TPRG1: variants seen among roughly 807,000 people sequenced by gnomAD.
TPRG1 encodes tumor protein p63-regulated gene 1 protein.
Under a neutral mutation model 29.3 loss-of-function variants are expected in TPRG1, and 29 were observed. The ratio of observed to expected loss-of-function variants is 0.99; its 90% CI spans 0.74 to 1.35. The LOEUF (loss-of-function observed/expected upper bound fraction) is 1.35, where lower values mean the gene tolerates loss of function less well. Among genes scored for constraint, TPRG1 ranks in the 40% most tolerant of loss-of-function variants. TPRG1 has a pLI of 0.00. For missense variants in TPRG1, 327 were observed against 335.0 expected, an observed-to-expected ratio of 0.98 and a Z score of 0.19; for synonymous variants, 130 against 116.8, an observed-to-expected ratio of 1.11 and a Z score of -0.73.
intron 4 of TPRG1, among the ~76,000 whole-genome samples, chr3:189,267,312 A>T (rs1004657612): frequency 6.6e-6 from 1 of 152,186 alleles, no homozygotes; most frequent in Non-Finnish European, 1.5e-5. Flanking sequence ...GCCTAATGAC[A>T]TATTTCTAAG....
chr3:189,271,968 G>T (rs572753680), intron 4 of TPRG1, among the ~76,000 whole-genome samples: 8 of 152,304 alleles, frequency 5.3e-5, no homozygotes, highest in African/African-American at 1.7e-4. Flanking sequence ...ATATCGAAAA[G>T]CCTAATGTGG....
intron 4 of TPRG1, among the ~76,000 whole-genome samples, chr3:189,085,819 A>T (rs1047079226): frequency 1.3e-5 from 2 of 152,204 alleles, no homozygotes; most frequent in Non-Finnish European, 2.9e-5. Context: ...ATCCATTTAC[A>T]CTTGAGGATA....
chr3:189,036,988 C>A (rs1311419988), intron 4 of TPRG1, among the ~76,000 whole-genome samples: 1 of 150,928 alleles, frequency 6.6e-6, no homozygotes, highest in South Asian at 2.1e-4. Flanking sequence ...CCTACTCCTG[C>A]CCCACCAAAA....
At chr3:189,117,359 C>A (rs1721303452) in intron 1 of TPRG1, among the ~76,000 whole-genome samples, 1 of 152,196 alleles carries the variant, frequency 6.6e-6, no homozygotes, top group South Asian at 2.1e-4. Flanking sequence ...ACCTGTTACT[C>A]AGTAGTTAAA....
intron 1 of TPRG1, among the ~76,000 whole-genome samples, chr3:189,181,297 C>A (rs1288011246): frequency 6.6e-6 from 1 of 152,218 alleles, no homozygotes; most frequent in Non-Finnish European, 1.5e-5. Context: ...CTGCAGCCAG[C>A]TTGAATTTCT....
At chr3:189,140,460 A>G (rs184781606) in intron 3 of TPRG1, among the ~76,000 whole-genome samples, 3 of 152,242 alleles carry the variant, frequency 2.0e-5, no homozygotes, top group African/African-American at 4.8e-5. Flanking sequence ...TATGTCAACA[A>G]ATCATTGCTA....
chr3:189,189,493 C>T (rs1161311229), intron 1 of TPRG1, among the ~76,000 whole-genome samples: 3 of 151,888 alleles, frequency 2.0e-5, no homozygotes, highest in East Asian at 1.9e-4. Flanking sequence ...AAGGGATATA[C>T]TTGGATTTGC....
intron 1 of TPRG1, among the ~76,000 whole-genome samples, chr3:189,124,755 C>T (rs774119696): frequency 5.3e-5 from 8 of 151,920 alleles, no homozygotes; most frequent in Non-Finnish European, 1.2e-4. Flanking sequence ...TTTTTTCCTC[C>T]ATAAAACCAA....
chr3:189,213,518 C>T (rs1735590502), intron 2 of TPRG1, among the ~76,000 whole-genome samples: 2 of 152,118 alleles, frequency 1.3e-5, no homozygotes, highest in Admixed American at 1.3e-4. Flanking sequence ...AAGAACAGCA[C>T]AGTGAGAAGA....
intron 3 of TPRG1, among the ~76,000 whole-genome samples, chr3:189,011,833 G>C (rs1439999111): frequency 1.3e-5 from 2 of 152,162 alleles, no homozygotes; most frequent in African/African-American, 4.8e-5. Flanking sequence ...AGTTCTCCTT[G>C]AAGAGGTCCT....
intron 4 of TPRG1, among the ~76,000 whole-genome samples, chr3:189,277,366 C>CA (rs1716343013): frequency 6.6e-6 from 1 of 152,150 alleles, no homozygotes; most frequent in African/African-American, 2.4e-5. Context: ...ATACATATTT[C>CA]AAAAAACAGT....
intron 4 of TPRG1, among the ~76,000 whole-genome samples, chr3:189,075,386 C>T (rs1241888158): frequency 1.3e-5 from 2 of 152,154 alleles, no homozygotes; most frequent in South Asian, 2.1e-4. Flanking sequence ...CCACCCACCT[C>T]GGCCTCCCAA....
At chr3:189,053,769 T>C (rs1715482184) in intron 4 of TPRG1, among the ~76,000 whole-genome samples, 1 of 152,174 alleles carries the variant, frequency 6.6e-6, no homozygotes, top group African/African-American at 2.4e-5. Context: ...TGAACCCTGG[T>C]GTTTTGGTAA....
At chr3:189,054,574 C>T (rs1478347562) in intron 4 of TPRG1, among the ~76,000 whole-genome samples, 3 of 151,830 alleles carry the variant, frequency 2.0e-5, no homozygotes, top group Non-Finnish European at 4.4e-5. Flanking sequence ...TGAGACCAGC[C>T]TGGACAACAT....
At chr3:189,230,368 G>T (rs1327930879) in intron 3 of TPRG1, among the ~76,000 whole-genome samples, 1 of 152,032 alleles carries the variant, frequency 6.6e-6, no homozygotes, top group Non-Finnish European at 1.5e-5. Context: ...CTTTATTCAG[G>T]CTTGGTTGTT....
chr3:189,083,820 A>C (rs1422426895), intron 4 of TPRG1, among the ~76,000 whole-genome samples: 1 of 151,746 alleles, frequency 6.6e-6, no homozygotes, highest in African/African-American at 2.4e-5. Flanking sequence ...AATTTTCTTT[A>C]TCTCTGATCT....
intron 4 of TPRG1, among the ~76,000 whole-genome samples, chr3:189,304,582 A>G (rs191446115): frequency 1.3e-5 from 2 of 152,326 alleles, no homozygotes; most frequent in Non-Finnish European, 2.9e-5. Context: ...GCCTGGGGAC[A>G]TGGAGAGAAT....
At chr3:189,175,830 G>A (rs1332293987) in intron 1 of TPRG1, among the ~76,000 whole-genome samples, 3 of 152,150 alleles carry the variant, frequency 2.0e-5, no homozygotes, top group South Asian at 2.1e-4. Flanking sequence ...CTATTCCTCT[G>A]GGTTATCTGA....
chr3:189,251,393 A>G (rs1314807594), intron 4 of TPRG1, among the ~76,000 whole-genome samples: 1 of 152,166 alleles, frequency 6.6e-6, no homozygotes, highest in Non-Finnish European at 1.5e-5. Context: ...TTGCCCCTCC[A>G]CACCTGTGGG....
Sources: allele counts gnomAD v4.1 joint callset (sites outside exome capture counted in the v4.1 genomes callset), GRCh38; gene constraint gnomAD v4.1.1; transcripts MANE v1.5; gene names NCBI Gene and HGNC (gene_info 2026-07-23, HGNC 2026-07-21).